BMP6: variants seen among roughly 807,000 people sequenced by gnomAD.
BMP6 encodes VG-1-R.
In BMP6, 17 loss-of-function variants were observed where a neutral mutation model predicts 54.1. The ratio of observed to expected loss-of-function variants is 0.31; its 90% CI spans 0.22 to 0.47. The LOEUF is 0.47. BMP6 is among the 20% of genes least tolerant of loss of function. The pLI, the probability that BMP6 is intolerant of heterozygous loss-of-function variation, is 1.00. For synonymous variants in BMP6, 328 were observed against 291.2 expected (o/e 1.13, Z -1.28); for missense variants, 720 against 690.4 (o/e 1.04, Z -0.48).
chr6:7,880,413 CG>C lies in BMP6; in HGVS notation c.*72del. ...AGATTACATCTGCCTTAAAAAAACA[CG>C]GAAGCACAGTTGGAGGTGGGACGAT... On this transcript the variant is annotated 3_prime_UTR_variant, in exon 7 of 7. Transcript: ENST00000283147. 6.3e-7 allele frequency: 1 copy of C among 1,587,590 alleles called. No individual in the cohort carries two copies. Among genetic ancestry groups the C allele is most frequent in the East Asian group, 2.2e-5 (1 of 44,616 alleles).
chr6:7,865,892 A>T (rs1322783576), intron 4 of BMP6, among the ~76,000 whole-genome samples: 1 of 152,220 alleles, frequency 6.6e-6, no homozygotes, highest in Admixed American at 6.5e-5. Flanking sequence ...AGAAGTTAGC[A>T]TTCATTCATC....
At chr6:7,778,870 T>C (rs1486881827) in intron 1 of BMP6, among the ~76,000 whole-genome samples, 1 of 152,240 alleles carries the variant, frequency 6.6e-6, no homozygotes, top group Non-Finnish European at 1.5e-5. Flanking sequence ...CTATTCATCA[T>C]TTGATGTTTA....
intron 1 of BMP6, among the ~76,000 whole-genome samples, chr6:7,755,669 T>A (rs72827070): frequency 0.088 from 13,437 of 152,012 alleles, 671 homozygotes; most frequent in Admixed American, 0.12. Flanking sequence ...CATTTTTTTT[T>A]AATCTAGAAT....
intron 1 of BMP6, among the ~76,000 whole-genome samples, chr6:7,840,210 A>C (rs1333151475): frequency 1.3e-5 from 2 of 152,240 alleles, no homozygotes; most frequent in Non-Finnish European, 2.9e-5. Context: ...GGAAAGGAGG[A>C]GAACCGAACA....
chr6:7,792,276 T>G (rs1379812786), intron 1 of BMP6, among the ~76,000 whole-genome samples: 2 of 152,196 alleles, frequency 1.3e-5, no homozygotes, highest in African/African-American at 4.8e-5. Flanking sequence ...GTTAACTGAT[T>G]GAGGATATTA....
intron 5 of BMP6, 37 bp from the exon 6 acceptor site, chr6:7,879,954 T>C (rs764938290): frequency 1.3e-5 from 21 of 1,581,354 alleles, no homozygotes; most frequent in South Asian, 1.1e-4. Flanking sequence ...GAGAAGTGCA[T>C]GCTCATCTTT....
chr6:7,871,250 G>A (rs1476192116), intron 4 of BMP6, among the ~76,000 whole-genome samples: 1 of 152,198 alleles, frequency 6.6e-6, no homozygotes, highest in African/African-American at 2.4e-5. Flanking sequence ...AAGAGAGGAA[G>A]GATTTGGGCT....
chr6:7,752,296 C>G (rs1361154572), intron 1 of BMP6, among the ~76,000 whole-genome samples: 1 of 152,190 alleles, frequency 6.6e-6, no homozygotes, highest in East Asian at 1.9e-4. Flanking sequence ...TGAGCTGTAG[C>G]TTGGTGACTC....
At chr6:7,741,607 A>G (rs1025477345) in intron 1 of BMP6, among the ~76,000 whole-genome samples, 1 of 149,260 alleles carries the variant, frequency 6.7e-6, no homozygotes, top group African/African-American at 2.5e-5. Context: ...AGTTGTTTTA[A>G]TTTTTTGTAG....
chr6:7,726,145 G>A lies in BMP6; in HGVS notation c.-811G>A, dbSNP rs373198188. Among the ~76,000 whole-genome samples, 43 of 152,332 alleles carry A rather than the reference G, an allele frequency of 2.8e-4. No individual in the cohort carries two copies. The highest frequency in any genetic ancestry group is 8.4e-4 in the African/African-American group (35 of 41,584). On this transcript the variant is annotated 5_prime_UTR_variant, in exon 1 of 7. Coordinates refer to ENST00000283147, the MANE Select transcript of BMP6 (RefSeq NM_001718.6). Reference sequence around the variant, plus strand: ...GCGGGGAGCGCGGCGTGGAGAGGCGGGAGACCGAATTCCGGCGCCGCCGCC... The same window carrying A: ...GCGGGGAGCGCGGCGTGGAGAGGCGAGAGACCGAATTCCGGCGCCGCCGCC...
intron 1 of BMP6, among the ~76,000 whole-genome samples, chr6:7,790,718 G>T (rs1254640392): frequency 6.6e-6 from 1 of 151,994 alleles, no homozygotes; most frequent in Non-Finnish European, 1.5e-5. Flanking sequence ...GGTCCTTGAG[G>T]CTTTTGTAGT....
intron 1 of BMP6, among the ~76,000 whole-genome samples, chr6:7,811,595 C>T (rs990133200): frequency 6.6e-6 from 1 of 152,148 alleles, no homozygotes; most frequent in Non-Finnish European, 1.5e-5. Context: ...AAGCACTTTC[C>T]GTTCTGAAAT....
At position 7,727,550 on chromosome 6, in the gene BMP6, C is replaced by T; in HGVS notation, c.595C>T (p.Pro199Ser). ...CGGATCTGGCAGCGGCGGCGCGTCC[C>T]CACTGACCAGCGCGCAGGACAGCGC... ...APGSGSGGASPLTSAQDSAFL... is the reference protein window; with the variant it reads ...APGSGSGGASSLTSAQDSAFL... The change falls in exon 1 of 7, where the codon CCA (proline) becomes TCA (serine). Residue 199 changes from proline to serine, a missense_variant. Transcript: ENST00000283147. The T allele has an allele frequency of 6.3e-7, 1 of 1,594,638 alleles. No homozygotes were observed. Among genetic ancestry groups the T allele is most frequent in the Non-Finnish European group, 8.5e-7 (1 of 1,177,716 alleles).
At chr6:7,743,885 T>A (rs1366048732) in intron 1 of BMP6, among the ~76,000 whole-genome samples, 1 of 152,254 alleles carries the variant, frequency 6.6e-6, no homozygotes, top group African/African-American at 2.4e-5. Flanking sequence ...TGTTTACAAT[T>A]CCACAATGAA....
intron 1 of BMP6, among the ~76,000 whole-genome samples, chr6:7,806,489 A>G (rs1758348601): frequency 6.6e-6 from 1 of 152,182 alleles, no homozygotes; most frequent in African/African-American, 2.4e-5. Flanking sequence ...TTTGACTTAC[A>G]TGTGTATGGC....
intron 4 of BMP6, among the ~76,000 whole-genome samples, chr6:7,875,398 C>G (rs543655392): frequency 6.6e-6 from 1 of 152,120 alleles, no homozygotes; most frequent in African/African-American, 2.4e-5. Flanking sequence ...TTAACAGTTG[C>G]CAGACTCAGT....
At chr6:7,776,500 T>C (rs754052389) in intron 1 of BMP6, among the ~76,000 whole-genome samples, 6 of 152,248 alleles carry the variant, frequency 3.9e-5, no homozygotes, top group Non-Finnish European at 8.8e-5. Context: ...TCCAGTCTTC[T>C]AGGAGGAAGA....
intron 1 of BMP6, among the ~76,000 whole-genome samples, chr6:7,764,460 CCTGT>C (rs1308079426): frequency 1.3e-5 from 2 of 152,268 alleles, no homozygotes; most frequent in South Asian, 4.2e-4. Context: ...GGGCCTCACT[CCTGT>C]CTCTTTTCTC....
rs1761717614 is a variant in BMP6 at position 7,726,167 on chromosome 6, C to CGCCGCG, written c.-783_-778dup. ...GCGGGAGACCGAATTCCGGCGCCGC[C>CGCCGCG]GCCGCGGCCGCTGCTCGGTGCACTA... On this transcript the variant is annotated 5_prime_UTR_variant, in exon 1 of 7. Transcript: ENST00000283147. Among the ~76,000 whole-genome samples, 1 of 152,190 alleles carries CGCCGCG rather than the reference C, an allele frequency of 6.6e-6. No homozygotes were observed. Among genetic ancestry groups the CGCCGCG allele is most frequent in the Non-Finnish European group, 1.5e-5 (1 of 68,030 alleles).
Sources: gnomAD v4.1 joint callset for allele counts (sites outside exome capture counted in the v4.1 genomes callset) on GRCh38, gnomAD v4.1.1 for gene constraint, MANE v1.5 for transcripts, NCBI Gene and HGNC (gene_info 2026-07-23, HGNC 2026-07-21) for gene names.